Variants in TTC28 observed in about 807,000 individuals in gnomAD.
TTC28 encodes tetratricopeptide repeat protein 28.
TTC28 carries 61 observed loss-of-function variants against 198.0 expected under a neutral mutation model. The ratio of observed to expected loss-of-function variants is 0.31; its 90% CI spans 0.25 to 0.38. The LOEUF (loss-of-function observed/expected upper bound fraction) is 0.38. Among genes scored for constraint, TTC28 ranks in the 10% least tolerant of loss-of-function variants. TTC28 has a pLI of 1.00. For synonymous variants in TTC28, 1,171 were observed against 1,297.8 expected, an observed-to-expected ratio of 0.90 and a Z score of 2.10; for missense variants, 2,678 against 3,164.0, an observed-to-expected ratio of 0.85 and a Z score of 3.69.
At chr22:28,186,006 C>T (rs1056640342) in intron 5 of TTC28, among the ~76,000 whole-genome samples, 2 of 152,124 alleles carry the variant, frequency 1.3e-5, no homozygotes, top group Admixed American at 1.3e-4. Context: ...TCTAAAAGGA[C>T]TCTATTAGCT....
intron 1 of TTC28, among the ~76,000 whole-genome samples, chr22:28,651,161 T>C (rs1310709227): frequency 2.0e-5 from 3 of 152,188 alleles, no homozygotes; most frequent in East Asian, 1.9e-4. Context: ...TCAAGTCTCT[T>C]GATCTCTTTT....
At chr22:28,598,549 T>C (rs1424247289) in intron 2 of TTC28, among the ~76,000 whole-genome samples, 8 of 146,758 alleles carry the variant, frequency 5.5e-5, no homozygotes, top group Non-Finnish European at 7.5e-5. Flanking sequence ...TAAGCACTAC[T>C]GTATGGAGGT....
intron 2 of TTC28, among the ~76,000 whole-genome samples, chr22:28,324,430 A>C (rs899274107): frequency 0.17 from 34 of 198 alleles, no homozygotes; most frequent in African/African-American, 0.12. Context: ...GAGAGACACA[A>C]AAAAAAAAAA....
intron 12 of TTC28, among the ~76,000 whole-genome samples, chr22:28,040,400 G>C (rs994081962): frequency 6.6e-6 from 1 of 152,150 alleles, no homozygotes; most frequent in African/African-American, 2.4e-5. Flanking sequence ...CGATCAAGTC[G>C]TCTTCATCCC....
At chr22:28,662,711 A>G (rs1166463115) in intron 1 of TTC28, among the ~76,000 whole-genome samples, 1 of 152,228 alleles carries the variant, frequency 6.6e-6, no homozygotes, top group Non-Finnish European at 1.5e-5. Flanking sequence ...TTCATAAAAT[A>G]TATTTGGAAT....
intron 2 of TTC28, among the ~76,000 whole-genome samples, chr22:28,574,353 T>TTGTGTGTG (rs145439302): frequency 6.7e-6 from 1 of 148,632 alleles, no homozygotes; most frequent in Non-Finnish European, 1.5e-5. Context: ...ACTCCACTGT[T>TTGTGTGTG]TGTGTGTGTG....
At position 28,392,870 on chromosome 22, in the gene TTC28, CTTTTTTTTTTT is replaced by C. The variant is rs1245558034; in HGVS notation, c.382-86238_382-86228del. ...ATTCGGCCATCTTGGTTCCTCCCTC[CTTTTTTTTTTT>C]TTTTTTTTTTTTGAGACAGGGTCTT... On this transcript the variant is annotated intron_variant, in intron 2 of 22. Transcript: ENST00000397906. Among the ~76,000 whole-genome samples, 66 of 80,690 alleles carry C rather than the reference CTTTTTTTTTTT, an allele frequency of 8.2e-4. 1 individual carries two copies. Among genetic ancestry groups the C allele is most frequent in the African/African-American group, 3.1e-3 (62 of 20,004 alleles). The allele number at this position is 80,690 out of a possible 152,430, so 52.9% of individuals were successfully genotyped here.
intron 5 of TTC28, among the ~76,000 whole-genome samples, chr22:28,263,157 T>C (rs1601546949): frequency 1.3e-5 from 2 of 152,180 alleles, no homozygotes; most frequent in African/African-American, 2.4e-5. Context: ...ATGACAGTTT[T>C]TGCCATCAAA....
chr22:28,330,467 A>G (rs1048624512), intron 2 of TTC28, among the ~76,000 whole-genome samples: 2 of 152,152 alleles, frequency 1.3e-5, no homozygotes, highest in African/African-American at 4.8e-5. Flanking sequence ...TTTGACAGAT[A>G]CCTTTTTTGC....
At chr22:28,628,861 T>C (rs1265783184) in intron 2 of TTC28, among the ~76,000 whole-genome samples, 2 of 151,154 alleles carry the variant, frequency 1.3e-5, no homozygotes, top group African/African-American at 2.4e-5. Flanking sequence ...TGAGTCAAGA[T>C]TGCACCACTG....
chr22:28,061,516 T>C lies in TTC28; in HGVS notation c.3933-31150A>G, dbSNP rs574413923. Among the ~76,000 whole-genome samples, 3 of 152,336 alleles carry C rather than the reference T, an allele frequency of 2.0e-5. 1 individual carries two copies. The highest frequency in any genetic ancestry group is 6.8e-3 in the Middle Eastern group (2 of 294). ...TTGTTTTTCTCAGGTTTGTCAAAGA[T>C]CAGATGGTTGTGGATGTGTGGCGTT... On this transcript the variant is annotated intron_variant, in intron 12 of 22. Transcript: ENST00000397906.
At chr22:27,983,961 T>C (rs925016221) in intron 22 of TTC28, 110 bp from the exon 23 acceptor site, 6 of 1,140,348 alleles carry the variant, frequency 5.3e-6, no homozygotes, top group Non-Finnish European at 7.3e-6. Context: ...CAAAGAATTA[T>C]GCAAGAGCTA....
intron 5 of TTC28, among the ~76,000 whole-genome samples, chr22:28,254,595 G>C (rs1298312202): frequency 1.3e-5 from 2 of 152,046 alleles, no homozygotes; most frequent in African/African-American, 2.4e-5. Context: ...GCTTCACTAT[G>C]GTAGGGGAAG....
intron 12 of TTC28, among the ~76,000 whole-genome samples, chr22:28,046,673 A>G (rs964692554): frequency 6.6e-6 from 1 of 152,234 alleles, no homozygotes; most frequent in Non-Finnish European, 1.5e-5. Context: ...TGCTATATAC[A>G]TGGCAATATA....
At chr22:28,220,402 G>C (rs1295585619) in intron 5 of TTC28, among the ~76,000 whole-genome samples, 1 of 152,214 alleles carries the variant, frequency 6.6e-6, no homozygotes, top group Non-Finnish European at 1.5e-5. Context: ...TGCAATCATG[G>C]TGTCAGCTAG....
At chr22:28,161,890 GAA>G (rs1921251206) in intron 6 of TTC28, among the ~76,000 whole-genome samples, 1 of 97,030 alleles carries the variant, frequency 1.0e-5, no homozygotes, top group East Asian at 3.2e-4. Flanking sequence ...AGGAAGGGAT[GAA>G]GGGAAGGAAG....
chr22:28,150,391 G>A (rs1411817324), intron 6 of TTC28, among the ~76,000 whole-genome samples: 8 of 152,198 alleles, frequency 5.3e-5, no homozygotes, highest in Non-Finnish European at 7.4e-5. Context: ...CTGAATAATC[G>A]TTTGTTAAAT....
chr22:28,676,192 T>C (rs1331446121), intron 1 of TTC28, among the ~76,000 whole-genome samples: 1 of 152,164 alleles, frequency 6.6e-6, no homozygotes, highest in East Asian at 1.9e-4. Flanking sequence ...AAGAATGAAG[T>C]GCTGATATAC....
At chr22:28,614,201 C>A (rs961015762) in intron 2 of TTC28, among the ~76,000 whole-genome samples, 2 of 152,100 alleles carry the variant, frequency 1.3e-5, no homozygotes, top group South Asian at 4.1e-4. Context: ...ACGACTGCTG[C>A]AAAGAGAATG....
Sources: gnomAD v4.1 joint callset for allele counts (sites outside exome capture counted in the v4.1 genomes callset) on GRCh38, gnomAD v4.1.1 for gene constraint, MANE v1.5 for transcripts, NCBI Gene and HGNC (gene_info 2026-07-23, HGNC 2026-07-21) for gene names.